UNC79: variants seen among roughly 807,000 people sequenced by gnomAD.
The protein encoded by UNC79 is unc-79 subunit of NALCN channel complex, also known as protein unc-79 homolog.
Under a neutral mutation model 283.1 loss-of-function variants are expected in UNC79, and 37 were observed. The ratio of observed to expected loss-of-function variants is 0.13; its 90% confidence interval spans 0.10 to 0.17. The LOEUF (loss-of-function observed/expected upper bound fraction) is 0.17, where lower values mean the gene tolerates loss of function less well. UNC79 is among the 10% of genes least tolerant of loss of function. UNC79 has a pLI of 1.00. For missense variants in UNC79, 2,272 were observed against 3,211.1 expected (o/e 0.71, Z 7.07); for synonymous variants, 1,107 against 1,200.2 (o/e 0.92, Z 1.61).
Position 93,347,073 on chromosome 14 carries a change from G to A in UNC79, c.-351+13550G>A, listed in dbSNP as rs546174556. On this transcript the variant is annotated intron_variant, in intron 1 of 49. Coordinates refer to the UNC79 transcript ENST00000256339. ...GAGTGGAAAGGGCAGTACAGAGAAA[G>A]GAGTGGTGAGCGGAAGAGGCGGGGC... is the stretch of plus-strand genomic sequence containing the variant. 1,143 of 556,692 alleles carry A rather than the reference G, an allele frequency of 2.1e-3. 5 individuals are homozygous for A. The highest frequency in any genetic ancestry group is 1.8e-3 in the Non-Finnish European group (566 of 322,174). 34.5% of individuals were successfully genotyped at this position (556,692 alleles called of 1,614,324 possible).
chr14:93,621,371 G>T lies in UNC79; in HGVS notation c.4388-250G>T, dbSNP rs1031658752. Among the ~76,000 whole-genome samples, 14 of 152,282 alleles carry T rather than the reference G, an allele frequency of 9.2e-5. No individual in the cohort carries two copies. The highest frequency in any genetic ancestry group is 6.8e-3 in the Middle Eastern group (2 of 294). On this transcript the variant is annotated intron_variant, in intron 29 of 48. Coordinates refer to ENST00000555664, the Ensembl canonical transcript of UNC79. This position sits in a 1 kb window ranked among gnomAD's most constrained non-coding sequence, Gnocchi z 4.8. ...CTCCTATGCACAAATGAACAGAGCTGAGGAATTATCCCGAAGCCCGATTTT... is the reference window on the plus strand; with the variant it reads ...CTCCTATGCACAAATGAACAGAGCTTAGGAATTATCCCGAAGCCCGATTTT...
chr14:93,622,020 C>T (rs375279499), exon 30 of UNC79: 126 of 1,613,852 alleles, frequency 7.8e-5, no homozygotes, highest in Non-Finnish European at 9.2e-5. Flanking sequence ...GTTGACTCGC[C>T]GGTAAAGCCT....
chr14:93,544,931 G>A (rs537728991), intron 14 of UNC79, among the ~76,000 whole-genome samples: 78 of 152,278 alleles, frequency 5.1e-4, no homozygotes, highest in African/African-American at 1.8e-3. Context: ...CCAAACTGTT[G>A]TAGCAATAAG....
chr14:93,620,963 A>G, intron 29 of UNC79: 1 of 518,926 alleles, frequency 1.9e-6, no homozygotes, highest in Non-Finnish European at 3.8e-6. Context: ...AGAGTCTCAA[A>G]CTTTTTTTGC....
chr14:93,398,119 T>C (rs1566911873), intron 1 of UNC79, among the ~76,000 whole-genome samples: 1 of 152,230 alleles, frequency 6.6e-6, no homozygotes, highest in Non-Finnish European at 1.5e-5. Context: ...AAGAGCTTGG[T>C]TGTGTAGTAG....
At chr14:93,534,822 A>G (rs1001983401) in intron 11 of UNC79, among the ~76,000 whole-genome samples, 9 of 152,172 alleles carry the variant, frequency 5.9e-5, no homozygotes, top group African/African-American at 2.2e-4. Flanking sequence ...CCCTCTTTAT[A>G]TGACAAACTT....
chr14:93,648,415 G>A (rs1403046271), intron 35 of UNC79, among the ~76,000 whole-genome samples: 1 of 152,218 alleles, frequency 6.6e-6, no homozygotes, highest in Admixed American at 6.5e-5. Flanking sequence ...TGAGAGGTTA[G>A]TGGTTTGGTC....
chr14:93,527,506 A>C (rs1308144013), intron 8 of UNC79, among the ~76,000 whole-genome samples: 3 of 152,198 alleles, frequency 2.0e-5, no homozygotes, highest in Non-Finnish European at 4.4e-5. Flanking sequence ...GTCATCGGGG[A>C]ATATATAGTT....
chr14:93,603,990 A>G (rs1308813298), intron 26 of UNC79, among the ~76,000 whole-genome samples: 1 of 152,200 alleles, frequency 6.6e-6, no homozygotes, highest in Non-Finnish European at 1.5e-5. Flanking sequence ...CCAATATTTT[A>G]AAAAAGACCA....
At chr14:93,525,448 CG>C in intron 8 of UNC79, among the ~76,000 whole-genome samples, 1 of 149,670 alleles carries the variant, frequency 6.7e-6, no homozygotes, top group South Asian at 2.1e-4. Flanking sequence ...GACTCCATCT[CG>C]AAAAAAAAAA....
intron 5 of UNC79, among the ~76,000 whole-genome samples, chr14:93,494,228 A>T (rs1368348017): frequency 6.6e-6 from 1 of 152,030 alleles, no homozygotes; most frequent in Non-Finnish European, 1.5e-5. Flanking sequence ...ATCTTGTGAG[A>T]ACTCTATCAT....
chr14:93,532,533 G>T lies in UNC79; in HGVS notation c.1094-17G>T. 1 of 1,607,040 alleles carries T rather than the reference G, an allele frequency of 6.2e-7. No individual in the cohort carries two copies. Among genetic ancestry groups the T allele is most frequent in the Non-Finnish European group, 8.5e-7 (1 of 1,176,660 alleles). On this transcript the variant is annotated splice_polypyrimidine_tract_variant and intron_variant, in intron 10 of 48. Coordinates refer to ENST00000555664, the Ensembl canonical transcript of UNC79. ...CTCTCTTTCTTTGTTGATATTTTGTGTGCCTTCCCCTTACAGCTGAAATAT... is the reference window on the plus strand; with the variant it reads ...CTCTCTTTCTTTGTTGATATTTTGTTTGCCTTCCCCTTACAGCTGAAATAT...
At chr14:93,442,982 A>G (rs1595487986) in intron 1 of UNC79, among the ~76,000 whole-genome samples, 2 of 151,890 alleles carry the variant, frequency 1.3e-5, no homozygotes, top group South Asian at 4.2e-4. Flanking sequence ...CCAGCACTTT[A>G]GGAGGCTGAG....
intron 39 of UNC79, among the ~76,000 whole-genome samples, chr14:93,662,105 G>A (rs918355148): frequency 6.6e-6 from 1 of 152,184 alleles, no homozygotes; most frequent in African/African-American, 2.4e-5. Flanking sequence ...AACAGACTAT[G>A]CCTTCCTGAT....
At position 93,622,543 on chromosome 14, in the gene UNC79, G is replaced by C. The variant is rs78070908; in HGVS notation, c.5310G>C (p.Glu1770Asp). The C allele has an allele frequency of 5.8e-5, 94 of 1,613,948 alleles. No homozygotes were observed. The highest frequency in any genetic ancestry group is 7.5e-5 in the Non-Finnish European group (89 of 1,180,002). The change falls in exon 30 of 49, where the codon GAG (glutamate) becomes GAC (aspartate). Residue 1770 changes from glutamate (E) to aspartate (D), a missense_variant. By Grantham distance (45) the Glu-to-Asp change is conservative. Around this residue, in one of 11 missense-constraint regions of UNC79, gnomAD observed 580 missense variants for 632.2 expected, o/e 0.92. Coordinates refer to ENST00000555664, the Ensembl canonical transcript of UNC79. Reference sequence around the variant, plus strand: ...ATGATCACCCTGACCCGGGCACTGAGGGGGAGAAGCCTGGGGAGCTGATGC... The same window carrying C: ...ATGATCACCCTGACCCGGGCACTGACGGGGAGAAGCCTGGGGAGCTGATGC...
At chr14:93,622,030 T>C (rs751691931) in exon 30 of UNC79, 4 of 1,614,110 alleles carry the variant, frequency 2.5e-6, no homozygotes, top group Non-Finnish European at 3.4e-6. Context: ...CGGTAAAGCC[T>C]GCTCCTAAAG....
intron 14 of UNC79, among the ~76,000 whole-genome samples, chr14:93,561,313 A>G (rs1004230360): frequency 1.3e-5 from 2 of 152,182 alleles, no homozygotes; most frequent in Admixed American, 6.5e-5. Flanking sequence ...TAGAGTTGAT[A>G]TAAGGAGAAA....
At chr14:93,683,340 T>A (rs2073987790) in intron 42 of UNC79, among the ~76,000 whole-genome samples, 1 of 152,140 alleles carries the variant, frequency 6.6e-6, no homozygotes, top group African/African-American at 2.4e-5. Context: ...AGCTTGATTG[T>A]GGTTGGGGAA....
intron 1 of UNC79, among the ~76,000 whole-genome samples, chr14:93,402,161 C>G (rs982381309): frequency 1.3e-5 from 2 of 151,250 alleles, no homozygotes; most frequent in Non-Finnish European, 2.9e-5. Context: ...GCCTGTATCC[C>G]AGCTACTTGG....
Sources: allele counts gnomAD v4.1 joint callset (sites outside exome capture counted in the v4.1 genomes callset), GRCh38; gene constraint gnomAD v4.1.1; regional missense constraint gnomAD v4.1.1; non-coding constraint Gnocchi (gnomAD v3.1); transcripts MANE v1.5; gene names NCBI Gene and HGNC (gene_info 2026-07-23, HGNC 2026-07-21).